Variants in CACNA2D1 observed in about 807,000 individuals in gnomAD.
CACNA2D1 encodes the protein voltage-dependent calcium channel subunit alpha-2/delta-1.
Under a neutral mutation model 171.5 loss-of-function variants are expected in CACNA2D1, and 53 were observed. That is an observed-to-expected ratio of 0.31 (90% CI 0.25 to 0.39). The LOEUF (loss-of-function observed/expected upper bound fraction) is 0.39, where lower values mean the gene tolerates loss of function less well. Ranked by LOEUF, CACNA2D1 falls within the 10% of genes least tolerant of loss-of-function variation. CACNA2D1 has a pLI of 1.00. For synonymous variants in CACNA2D1, 442 were observed against 443.1 expected (o/e 1.00, Z 0.03); for missense variants, 903 against 1,299.8 (o/e 0.69, Z 4.69).
chr7:82,113,728 A>G (rs1788707202), intron 6 of CACNA2D1, among the ~76,000 whole-genome samples: 1 of 152,180 alleles, frequency 6.6e-6, no homozygotes, highest in African/African-American at 2.4e-5. Context: ...TCTAAATCGG[A>G]TATGTTCCCA....
intron 3 of CACNA2D1, among the ~76,000 whole-genome samples, chr7:82,308,043 T>C (rs558164770): frequency 2.0e-5 from 3 of 152,330 alleles, no homozygotes; most frequent in African/African-American, 7.2e-5. Flanking sequence ...GCCATCCTAA[T>C]TGTATGTTCA....
intron 3 of CACNA2D1, among the ~76,000 whole-genome samples, chr7:82,295,192 T>C (rs1286506937): frequency 6.6e-6 from 1 of 152,210 alleles, no homozygotes. Context: ...AAAAGGTTTC[T>C]TGTTACAGTA....
intron 7 of CACNA2D1, among the ~76,000 whole-genome samples, chr7:82,071,106 T>C (rs1000249782): frequency 9.9e-5 from 15 of 152,182 alleles, no homozygotes; most frequent in Non-Finnish European, 2.2e-4. Context: ...ACCACAAACC[T>C]GATCTGCGGC....
chr7:82,351,058 T>C (rs1327390115), intron 1 of CACNA2D1, among the ~76,000 whole-genome samples: 1 of 152,158 alleles, frequency 6.6e-6, no homozygotes, highest in Non-Finnish European at 1.5e-5. Flanking sequence ...CTTCCTCAGG[T>C]TGTAGACCTA....
chr7:82,372,766 A>T (rs532809475), intron 1 of CACNA2D1, among the ~76,000 whole-genome samples: 1 of 152,304 alleles, frequency 6.6e-6, no homozygotes, highest in Admixed American at 6.5e-5. Context: ...AAGGACTTGC[A>T]AAGAATCTAC....
intron 17 of CACNA2D1, 120 bp downstream of exon 17, chr7:82,005,645 C>G: frequency 1.1e-6 from 1 of 882,662 alleles, no homozygotes; most frequent in Non-Finnish European, 1.9e-6. Context: ...ATGCTTTTAA[C>G]CATTTAGTTC....
At chr7:82,069,340 G>A (rs1187621072) in intron 7 of CACNA2D1, among the ~76,000 whole-genome samples, 4 of 152,158 alleles carry the variant, frequency 2.6e-5, no homozygotes, top group Admixed American at 6.5e-5. Flanking sequence ...GCTCAGTTTA[G>A]ATGACTTTTT....
At chr7:82,083,289 A>G (rs1414399880) in intron 7 of CACNA2D1, among the ~76,000 whole-genome samples, 1 of 152,026 alleles carries the variant, frequency 6.6e-6, no homozygotes, top group Non-Finnish European at 1.5e-5. Context: ...AGGACATCAG[A>G]TATCTATTTC....
At chr7:82,283,390 T>A (rs899147554) in intron 3 of CACNA2D1, among the ~76,000 whole-genome samples, 2 of 152,210 alleles carry the variant, frequency 1.3e-5, no homozygotes, top group African/African-American at 2.4e-5. Flanking sequence ...GGATCCAGCA[T>A]CTAAATAGCT....
At chr7:82,250,824 G>T (rs1013447044) in intron 3 of CACNA2D1, among the ~76,000 whole-genome samples, 1 of 152,050 alleles carries the variant, frequency 6.6e-6, no homozygotes, top group African/African-American at 2.4e-5. Flanking sequence ...CCTGTCACAT[G>T]AAATAATTGC....
intron 6 of CACNA2D1, among the ~76,000 whole-genome samples, chr7:82,087,789 A>G (rs1379272058): frequency 6.6e-6 from 1 of 152,148 alleles, no homozygotes; most frequent in East Asian, 1.9e-4. Flanking sequence ...AAAGTGCCCA[A>G]CATTTCTCCA....
At chr7:82,180,909 G>A (rs771315712) in intron 3 of CACNA2D1, among the ~76,000 whole-genome samples, 2 of 151,848 alleles carry the variant, frequency 1.3e-5, no homozygotes, top group African/African-American at 4.8e-5. Context: ...CTTTCTTAAG[G>A]TGCTCAGGCT....
intron 18 of CACNA2D1, among the ~76,000 whole-genome samples, chr7:82,005,105 T>C (rs889423604): frequency 6.6e-6 from 1 of 152,140 alleles, no homozygotes; most frequent in Non-Finnish European, 1.5e-5. Flanking sequence ...CACTCCTGTC[T>C]GGAGCAATAT....
intron 1 of CACNA2D1, among the ~76,000 whole-genome samples, chr7:82,389,222 A>C (rs1824802155): frequency 6.7e-6 from 1 of 150,156 alleles, no homozygotes; most frequent in African/African-American, 2.4e-5. Flanking sequence ...AAGGTAAACA[A>C]GAAAACAAGG....
Position 82,354,317 on chromosome 7 carries a change from T to G in CACNA2D1, c.96-4668A>C, listed in dbSNP as rs185680859. 5.4e-3 allele frequency among the ~76,000 whole-genome samples: 826 copies of G among 152,236 alleles called. 6 individuals carry two copies. The highest frequency in any genetic ancestry group is 0.019 in the African/African-American group (798 of 41,526). On this transcript the variant is annotated intron_variant, in intron 1 of 38. Coordinates refer to ENST00000356860, the MANE Select transcript of CACNA2D1 (RefSeq NM_000722.4). Reference sequence around the variant, plus strand: ...TGTGAATCCTGCAATAGGTAAGAAATCTTTTCTCCCCTACAACAGTCCTTT... The same window carrying G: ...TGTGAATCCTGCAATAGGTAAGAAAGCTTTTCTCCCCTACAACAGTCCTTT...
chr7:82,035,023 A>G (rs1803137082), intron 11 of CACNA2D1, among the ~76,000 whole-genome samples: 1 of 152,150 alleles, frequency 6.6e-6, no homozygotes, highest in Non-Finnish European at 1.5e-5. Flanking sequence ...CTAAAGAATC[A>G]CACAGCGACA....
At chr7:82,054,395 T>C (rs114869097) in intron 10 of CACNA2D1, among the ~76,000 whole-genome samples, 279 of 152,306 alleles carry the variant, frequency 1.8e-3, no homozygotes, top group African/African-American at 6.3e-3. Flanking sequence ...GGAATAGTCA[T>C]CAACTTTATA....
intron 10 of CACNA2D1, among the ~76,000 whole-genome samples, chr7:82,047,874 A>G (rs1385764016): frequency 6.6e-6 from 1 of 152,206 alleles, no homozygotes; most frequent in Non-Finnish European, 1.5e-5. Context: ...TAAAATCGGA[A>G]TGCTGTCTGA....
In CACNA2D1 at chr7:82,410,540, CA is replaced by C. The variant is rs1037081439; in HGVS notation, c.95+32824del. 8.7e-5 allele frequency: 86 copies of C among 985,334 alleles called. No individual in the cohort carries two copies. In the African/African-American group the frequency reaches 1.3e-3, roughly 14 times the overall value. The allele number at this position is 985,334 out of a possible 1,614,324, so 61.0% of individuals were successfully genotyped here. ...AGTGGTCTGAAGGTGCACGCTACAT[CA>C]GGGGTGGCTGATGCCAGGTGGCTGG... is the stretch of plus-strand genomic sequence containing the variant. On this transcript the variant is annotated intron_variant, in intron 1 of 38. Transcript: ENST00000356860.
Sources: gnomAD v4.1 joint callset for allele counts (sites outside exome capture counted in the v4.1 genomes callset) on GRCh38, gnomAD v4.1.1 for gene constraint, MANE v1.5 for transcripts, NCBI Gene and HGNC (gene_info 2026-07-23, HGNC 2026-07-21) for gene names.